Variants in GCSAML observed in about 807,000 individuals in gnomAD.
GCSAML encodes germinal center associated signaling and motility like, also known as germinal center-associated signaling and motility-like protein.
In GCSAML, 9 loss-of-function variants were observed where a neutral mutation model predicts 13.0. The observed-to-expected ratio is 0.69, with a 90% confidence interval of 0.42 to 1.21. The LOEUF is 1.21. Among genes scored for constraint, GCSAML ranks in the 50% most tolerant of loss-of-function variants. The pLI is 0.00. For missense variants in GCSAML, 143 were observed against 153.4 expected, an observed-to-expected ratio of 0.93 and a Z score of 0.36; for synonymous variants, 37 against 52.9, an observed-to-expected ratio of 0.70 and a Z score of 1.31.
intron 2 of GCSAML, chr1:247,532,501 A>G: frequency 6.2e-7 from 1 of 1,613,342 alleles, no homozygotes; most frequent in Admixed American, 1.7e-5. Context: ...CACATTGGCT[A>G]TTTCCATCAT....
intron 1 of GCSAML, among the ~76,000 whole-genome samples, chr1:247,523,096 G>C (rs1031678720): frequency 6.6e-6 from 1 of 152,108 alleles, no homozygotes; most frequent in Non-Finnish European, 1.5e-5. Flanking sequence ...TCCATCTACT[G>C]TTTGTCAGTA....
Position 247,575,933 on chromosome 1 carries a change from C to A in GCSAML, c.*1551C>A, listed in dbSNP as rs1032598083. On this transcript the variant is annotated 3_prime_UTR_variant, in exon 5 of 5. Transcript: ENST00000366488. ...GAGACAAAAGCCTTAATTGACAATG[C>A]ATTCATTATATATTTTTTTGTATAG... is the stretch of plus-strand genomic sequence containing the variant. 20 of 152,188 alleles carry A rather than the reference C, an allele frequency of 1.3e-4. No individual in the cohort carries two copies. Among genetic ancestry groups the A allele is most frequent in the African/African-American group, 4.8e-4 (20 of 41,526 alleles). 9.4% of individuals were successfully genotyped at this position (152,188 alleles called of 1,614,324 possible).
intron 2 of GCSAML, among the ~76,000 whole-genome samples, chr1:247,544,030 C>A (rs1247330778): frequency 6.6e-6 from 1 of 152,152 alleles, no homozygotes; most frequent in Non-Finnish European, 1.5e-5. Flanking sequence ...AAACAATGGG[C>A]ACCAGAGCAT....
chr1:247,515,391 TAC>T (rs1666176549), intron 1 of GCSAML, among the ~76,000 whole-genome samples: 1 of 152,226 alleles, frequency 6.6e-6, no homozygotes, highest in Non-Finnish European at 1.5e-5. Context: ...TATTTAGAAA[TAC>T]AGTTTAAAAT....
At chr1:247,555,023 A>G (rs994349439) in intron 1 of GCSAML, among the ~76,000 whole-genome samples, 10 of 152,132 alleles carry the variant, frequency 6.6e-5, no homozygotes, top group African/African-American at 2.4e-4. Context: ...CTATGGCCTG[A>G]TATTATCTGA....
At chr1:247,528,295 G>A (rs2103328571) in intron 2 of GCSAML, 1 of 151,144 alleles carries the variant, frequency 6.6e-6, no homozygotes, top group South Asian at 2.1e-4. Flanking sequence ...GGTGCAGTAT[G>A]ATGTTTTGAT....
In GCSAML at chr1:247,575,641, G is replaced by GAAGCATATATAATTGTCAATTTTTTC. The variant is rs1436447706; in HGVS notation, c.*1262_*1287dup. The GAAGCATATATAATTGTCAATTTTTTC allele has an allele frequency of 1.3e-5, 2 of 152,176 alleles. No individual in the cohort carries two copies. Among genetic ancestry groups the GAAGCATATATAATTGTCAATTTTTTC allele is most frequent in the African/African-American group, 4.8e-5 (2 of 41,436 alleles). The allele number at this position is 152,176 out of a possible 1,614,324, so 9.4% of individuals were successfully genotyped here. On this transcript the variant is annotated 3_prime_UTR_variant, in exon 5 of 5. Coordinates refer to ENST00000366488, the MANE Select transcript of GCSAML (RefSeq NM_145278.5). Reference sequence around the variant, plus strand: ...GTCACAAAATAAAAAAAGATGAAATGAAGCATATATAATTGTCAATTTTTT... The same window carrying GAAGCATATATAATTGTCAATTTTTTC: ...GTCACAAAATAAAAAAAGATGAAATGAAGCATATATAATTGTCAATTTTTTCAAGCATATATAATTGTCAATTTTTT...
chr1:247,539,372 G>A (rs1469870003), intron 2 of GCSAML, among the ~76,000 whole-genome samples: 1 of 152,082 alleles, frequency 6.6e-6, no homozygotes, highest in East Asian at 1.9e-4. Context: ...GGATATTCAC[G>A]CAGGTCCAGT....
chr1:247,544,181 GA>G (rs1479486447), upstream of GCSAML, among the ~76,000 whole-genome samples: 1 of 152,108 alleles, frequency 6.6e-6, no homozygotes, highest in Non-Finnish European at 1.5e-5. Context: ...ATGAAAGGTC[GA>G]AATTTTGCAT....
chr1:247,530,629 G>A (rs1234642204), intron 2 of GCSAML: 1 of 151,986 alleles, frequency 6.6e-6, no homozygotes, highest in East Asian at 1.9e-4. Context: ...AGAACATCTA[G>A]AAGAAACAGA....
At chr1:247,514,482 T>C (rs112397987) in intron 1 of GCSAML, among the ~76,000 whole-genome samples, 3,698 of 88,354 alleles carry the variant, frequency 0.042, 148 homozygotes, top group African/African-American at 0.11. Flanking sequence ...ACTTAAGTGC[T>C]ATCTATTTAT....
At chr1:247,511,513 A>G (rs924005554) in intron 1 of GCSAML, among the ~76,000 whole-genome samples, 2 of 152,276 alleles carry the variant, frequency 1.3e-5, no homozygotes, top group African/African-American at 4.8e-5. Flanking sequence ...CAGCTCATTC[A>G]TATTTAAGGT....
chr1:247,540,131 G>C (rs2103020099), intron 2 of GCSAML, among the ~76,000 whole-genome samples: 1 of 152,272 alleles, frequency 6.6e-6, no homozygotes, highest in South Asian at 2.1e-4. Flanking sequence ...AAGTGCAGTG[G>C]CCCAATCTCA....
At chr1:247,541,778 G>A (rs1667420358) in intron 2 of GCSAML, among the ~76,000 whole-genome samples, 1 of 152,106 alleles carries the variant, frequency 6.6e-6, no homozygotes, top group Non-Finnish European at 1.5e-5. Context: ...GGGAAGCTGA[G>A]GTGGGCGGAT....
At chr1:247,557,916 T>C (rs932745133) in intron 2 of GCSAML, among the ~76,000 whole-genome samples, 1 of 152,256 alleles carries the variant, frequency 6.6e-6, no homozygotes, top group Non-Finnish European at 1.5e-5. Context: ...AACTTACGCA[T>C]AAACTAGTCA....
intron 3 of GCSAML, among the ~76,000 whole-genome samples, chr1:247,565,306 C>T (rs543102875): frequency 3.9e-4 from 59 of 151,282 alleles, no homozygotes; most frequent in Non-Finnish European, 7.4e-4. Flanking sequence ...TGCAGTGAGC[C>T]GAGATAGCAC....
intron 1 of GCSAML, among the ~76,000 whole-genome samples, chr1:247,555,701 G>T (rs1383879000): frequency 6.6e-6 from 1 of 152,224 alleles, no homozygotes; most frequent in Admixed American, 6.5e-5. Context: ...TAGAGGAAAA[G>T]AAAACCATCA....
At chr1:247,507,136 G>A (rs1350873461) in exon 1 of GCSAML, 3 of 152,186 alleles carry the variant, frequency 2.0e-5, no homozygotes, top group Non-Finnish European at 4.4e-5. Flanking sequence ...TGACAAATAT[G>A]AGCCTGAAGG....
chr1:247,507,297 G>A (rs2103290391), intron 1 of GCSAML: 1 of 152,322 alleles, frequency 6.6e-6, no homozygotes, highest in Admixed American at 6.5e-5. Flanking sequence ...GTGGTGAAAT[G>A]AGGCAGGATT....
Sources: allele counts gnomAD v4.1 joint callset (sites outside exome capture counted in the v4.1 genomes callset), GRCh38; gene constraint gnomAD v4.1.1; transcripts MANE v1.5; gene names NCBI Gene and HGNC (gene_info 2026-07-23, HGNC 2026-07-21).